CTNNA3: variants seen among roughly 807,000 people sequenced by gnomAD.
CTNNA3 encodes catenin alpha 3, also known as catenin alpha-3.
Under a neutral mutation model 95.7 loss-of-function variants are expected in CTNNA3, and 76 were observed. The observed-to-expected ratio is 0.79, with a 90% CI of 0.66 to 0.96. The LOEUF (loss-of-function observed/expected upper bound fraction) is 0.96. Among genes scored for constraint, CTNNA3 ranks in the 40% least tolerant of loss-of-function variants. The pLI is 0.00. For missense variants in CTNNA3, 1,191 were observed against 1,089.8 expected, an observed-to-expected ratio of 1.09 and a Z score of -1.31; for synonymous variants, 431 against 374.4, an observed-to-expected ratio of 1.15 and a Z score of -1.74.
intron 7 of CTNNA3, among the ~76,000 whole-genome samples, chr10:66,983,997 G>A (rs1162136916): frequency 1.3e-5 from 2 of 152,054 alleles, no homozygotes; most frequent in African/African-American, 2.4e-5. Flanking sequence ...GATGATAATC[G>A]AGGCTTAGGT....
chr10:66,219,034 GT>G (rs1204745348), intron 13 of CTNNA3, among the ~76,000 whole-genome samples: 3 of 152,028 alleles, frequency 2.0e-5, no homozygotes. Flanking sequence ...TCCCACCTTC[GT>G]ATGTTGGTTA....
chr10:66,147,859 G>T (rs1331519191), intron 13 of CTNNA3, among the ~76,000 whole-genome samples: 1 of 151,094 alleles, frequency 6.6e-6, no homozygotes, highest in Non-Finnish European at 1.5e-5. Flanking sequence ...GCTTATAAAA[G>T]TATGTAAGAT....
At chr10:66,878,403 G>A (rs867206058) in intron 7 of CTNNA3, among the ~76,000 whole-genome samples, 3 of 151,992 alleles carry the variant, frequency 2.0e-5, no homozygotes, top group Non-Finnish European at 2.9e-5. Flanking sequence ...CAAGCTTCAC[G>A]GTAATTCAAA....
chr10:67,541,868 T>G (rs1232439857), intron 3 of CTNNA3, among the ~76,000 whole-genome samples: 1 of 152,138 alleles, frequency 6.6e-6, no homozygotes, highest in East Asian at 1.9e-4. Context: ...ATTAATTTTT[T>G]CTTTTTGTGA....
At chr10:66,401,146 T>A (rs1437396165) in intron 11 of CTNNA3, among the ~76,000 whole-genome samples, 1 of 152,156 alleles carries the variant, frequency 6.6e-6, no homozygotes, top group Admixed American at 6.6e-5. Flanking sequence ...TTAGATATAG[T>A]GTTAACCATA....
chr10:67,509,549 C>T (rs372777029), intron 5 of CTNNA3, among the ~76,000 whole-genome samples: 1 of 152,290 alleles, frequency 6.6e-6, no homozygotes, highest in African/African-American at 2.4e-5. Flanking sequence ...GTATAGTATT[C>T]CATGGTGTAT....
At chr10:66,792,781 A>C (rs994535047) in intron 7 of CTNNA3, among the ~76,000 whole-genome samples, 1 of 152,186 alleles carries the variant, frequency 6.6e-6, no homozygotes, top group Non-Finnish European at 1.5e-5. Flanking sequence ...TATCAGGAGT[A>C]ATTATAGTAT....
intron 13 of CTNNA3, among the ~76,000 whole-genome samples, chr10:66,119,581 A>G (rs1394446675): frequency 6.6e-6 from 1 of 152,186 alleles, no homozygotes; most frequent in African/African-American, 2.4e-5. Flanking sequence ...GTGTAATTGT[A>G]AAGCTTTTTT....
intron 10 of CTNNA3, among the ~76,000 whole-genome samples, chr10:66,576,692 G>A (rs1048752761): frequency 4.9e-4 from 75 of 151,964 alleles, no homozygotes; most frequent in Admixed American, 4.7e-3. Context: ...GCAGTATTCC[G>A]TGGTCTATAT....
intron 7 of CTNNA3, among the ~76,000 whole-genome samples, chr10:66,836,860 G>A (rs1013933960): frequency 1.3e-5 from 2 of 151,782 alleles, no homozygotes; most frequent in African/African-American, 4.8e-5. Context: ...GTGTTGCCTC[G>A]GTGAAATCAT....
At chr10:65,936,007 T>A (rs184179793) in intron 17 of CTNNA3, among the ~76,000 whole-genome samples, 101 of 152,256 alleles carry the variant, frequency 6.6e-4, no homozygotes, top group Admixed American at 6.5e-3. Flanking sequence ...AAGAAAAGTA[T>A]CAATCTTGCT....
intron 5 of CTNNA3, among the ~76,000 whole-genome samples, chr10:67,297,372 T>C (rs1189410934): frequency 2.0e-5 from 3 of 152,242 alleles, no homozygotes; most frequent in Admixed American, 6.5e-5. Context: ...TGCATATTGA[T>C]ACCTTAGGAC....
At chr10:66,354,176 TG>T (rs1375377767) in intron 12 of CTNNA3, among the ~76,000 whole-genome samples, 4 of 151,704 alleles carry the variant, frequency 2.6e-5, no homozygotes, top group South Asian at 4.2e-4. Context: ...CCCAGCTACT[TG>T]GGAGGCTGAG....
chr10:67,140,572 C>A (rs1860511384), intron 7 of CTNNA3, among the ~76,000 whole-genome samples: 2 of 152,046 alleles, frequency 1.3e-5, no homozygotes, highest in African/African-American at 4.8e-5. Flanking sequence ...GAGAGATGCC[C>A]TATAAGTTGG....
At chr10:66,782,361 T>C (rs1395549548) in intron 7 of CTNNA3, among the ~76,000 whole-genome samples, 1 of 152,154 alleles carries the variant, frequency 6.6e-6, no homozygotes, top group African/African-American at 2.4e-5. Flanking sequence ...CCTGTGCTTT[T>C]TCAAACACCA....
intron 11 of CTNNA3, among the ~76,000 whole-genome samples, chr10:66,512,727 A>C (rs1163933482): frequency 6.6e-6 from 1 of 152,070 alleles, no homozygotes; most frequent in Non-Finnish European, 1.5e-5. Flanking sequence ...TATGTCTGGG[A>C]AAATTTTATG....
At chr10:66,665,221 GCTCA>G (rs1846408735) in intron 9 of CTNNA3, among the ~76,000 whole-genome samples, 4 of 19,838 alleles carry the variant, frequency 2.0e-4, no homozygotes, top group African/African-American at 4.0e-4. Flanking sequence ...GCTTACTTCA[GCTCA>G]TTTCAGCTCA....
At chr10:67,402,936 G>A (rs577001528) in intron 5 of CTNNA3, among the ~76,000 whole-genome samples, 14 of 152,300 alleles carry the variant, frequency 9.2e-5, no homozygotes, top group Middle Eastern at 3.4e-3. Flanking sequence ...GCTGAACAGC[G>A]TCCATCTGTG....
intron 5 of CTNNA3, among the ~76,000 whole-genome samples, chr10:67,493,561 CAA>C (rs61570165): frequency 4.3e-4 from 40 of 94,056 alleles, no homozygotes; most frequent in East Asian, 5.3e-4. Flanking sequence ...GACTCTGTCT[CAA>C]AAAAAAAAAA....
Sources: allele counts gnomAD v4.1 joint callset (sites outside exome capture counted in the v4.1 genomes callset), GRCh38; gene constraint gnomAD v4.1.1; transcripts MANE v1.5; gene names NCBI Gene and HGNC (gene_info 2026-07-23, HGNC 2026-07-21).